ZNF112: variants seen among roughly 807,000 people sequenced by gnomAD.
ZNF112 encodes zinc finger protein 112, also known as zinc finger protein 112 (Y14).
Under a neutral mutation model 77.7 loss-of-function variants are expected in ZNF112, and 37 were observed. The ratio of observed to expected loss-of-function variants is 0.48; its 90% CI spans 0.37 to 0.63. The LOEUF is 0.63. Among genes scored for constraint, ZNF112 ranks in the 20% least tolerant of loss-of-function variants. ZNF112 has a pLI of 0.00. For missense variants in ZNF112, 950 were observed against 1,077.4 expected (o/e 0.88, Z 1.66); for synonymous variants, 333 against 363.6 (o/e 0.92, Z 0.96).
upstream of ZNF112, among the ~76,000 whole-genome samples, chr19:44,359,312 G>GTTTTTTT (rs1568680489): frequency 9.9e-6 from 1 of 101,492 alleles, no homozygotes; most frequent in African/African-American, 4.1e-5. Flanking sequence ...ATATATTAGA[G>GTTTTTTT]TTCTTTTTTT....
rs1283303962 is a variant in ZNF112, at chr19:44,327,765, G to A, written c.2392C>T (p.Pro798Ser). 6.2e-7 allele frequency: 1 copy of A among 1,613,808 alleles called. No homozygotes were observed. ...TTACCACACTGTTCACATTTATAGG[G>A]TCTCCCTTCCACATGAACCCTTTGG... ...AHQRVHVEGR[P>S]YKCEQCGKGF... The change falls in exon 4 of 4, where the codon CCC becomes TCC. Residue 798 changes from proline to serine, a missense_variant. This residue lies in a region of ZNF112 where 373 missense variants were observed against 482.8 expected (regional missense o/e 0.77). Coordinates refer to ENST00000354340, the MANE Select transcript of ZNF112 (RefSeq NM_013380.4).
intron 2 of ZNF112, among the ~76,000 whole-genome samples, chr19:44,337,974 G>GT (rs531360603): frequency 0.47 from 45,970 of 97,006 alleles, 11,727 homozygotes; most frequent in South Asian, 0.66. Context: ...CCATTCCCCA[G>GT]TTAAAAAAAA....
chr19:44,348,570 A>G (rs1297186533), intron 1 of ZNF112, among the ~76,000 whole-genome samples: 1 of 152,142 alleles, frequency 6.6e-6, no homozygotes, highest in African/African-American at 2.4e-5. Flanking sequence ...TCTAACTATA[A>G]CAGATTTAAA....
Position 44,340,106 on chromosome 19 carries a change from T to A in ZNF112, c.124+310A>T, listed in dbSNP as rs112351341. ...GTTATTTACAAATATAATGTTTTTT[T>A]AAAAAAACCCCTCTAAAAAGTCAAG... On this transcript the variant is annotated intron_variant, in intron 2 of 3. Coordinates refer to ENST00000354340, the MANE Select transcript of ZNF112 (RefSeq NM_013380.4). 5.7e-4 allele frequency among the ~76,000 whole-genome samples: 68 copies of A among 118,718 alleles called. 3 individuals are homozygous for A. The highest frequency in any genetic ancestry group is 1.8e-3 in the African/African-American group (55 of 31,214). The allele number at this position is 118,718 out of a possible 152,430, so 77.9% of individuals were successfully genotyped here.
At chr19:44,334,123 T>C (rs1970321127) in intron 3 of ZNF112, among the ~76,000 whole-genome samples, 2 of 152,212 alleles carry the variant, frequency 1.3e-5, no homozygotes, top group South Asian at 4.1e-4. Context: ...TTTAGGTTTG[T>C]AAATGCATTT....
chr19:44,351,857 C>T (rs1970698852), intron 1 of ZNF112, among the ~76,000 whole-genome samples: 1 of 151,906 alleles, frequency 6.6e-6, no homozygotes, highest in African/African-American at 2.4e-5. Flanking sequence ...ACTTAACAGG[C>T]ATTAGAAATA....
chr19:44,334,918 G>C (rs1784258254), intron 3 of ZNF112, among the ~76,000 whole-genome samples: 1 of 152,254 alleles, frequency 6.6e-6, no homozygotes, highest in South Asian at 2.1e-4. Context: ...TGTGGGGTTG[G>C]AGCCCCCAGA....
chr19:44,336,840 C>T (rs951188151), intron 2 of ZNF112, 122 bp from the exon 3 acceptor site: 8 of 704,070 alleles, frequency 1.1e-5, no homozygotes, highest in Non-Finnish European at 1.7e-5. Context: ...CACCCTGTTA[C>T]CTTCCACTCA....
At chr19:44,365,468 T>TTATA (rs200896760) in intron 1 of ZNF112, among the ~76,000 whole-genome samples, 23 of 106,234 alleles carry the variant, frequency 2.2e-4, no homozygotes, top group South Asian at 7.2e-4. Flanking sequence ...TCAAAAAAAA[T>TTATA]TATATATATA....
In ZNF112 at chr19:44,327,519, C is replaced by T; in HGVS notation, c.2638G>A (p.Asp880Asn). 1.2e-6 allele frequency: 2 copies of T among 1,613,928 alleles called. No homozygotes were observed. Among genetic ancestry groups the T allele is most frequent in the African/African-American group, 1.3e-5 (1 of 75,020 alleles). Reference sequence around the variant, plus strand: ...TAGTCTTCGCTTTTATAGAATTTATCACTACTATGGACTCTTTGATGAATG... The same window carrying T: ...TAGTCTTCGCTTTTATAGAATTTATTACTACTATGGACTCTTTGATGAATG... ...LLIHQRVHSS[D>N]KFYKSEDYGK... is the part of the protein sequence containing the mutation. The change falls in exon 4 of 4, where the codon GAT becomes AAT. Residue 880 changes from aspartate (D) to asparagine (N), a missense_variant. Asp to Asn is a conservative substitution (Grantham distance 23). Coordinates refer to ENST00000354340, the MANE Select transcript of ZNF112 (RefSeq NM_013380.4).
chr19:44,335,775 A>G (rs1216161426), intron 3 of ZNF112, among the ~76,000 whole-genome samples: 1 of 152,224 alleles, frequency 6.6e-6, no homozygotes, highest in Non-Finnish European at 1.5e-5. Flanking sequence ...GAAACAAACC[A>G]TTATAGAAAT....
At chr19:44,334,407 T>C (rs1321907996) in intron 3 of ZNF112, among the ~76,000 whole-genome samples, 1 of 152,254 alleles carries the variant, frequency 6.6e-6, no homozygotes, top group Non-Finnish European at 1.5e-5. Context: ...CCTGATCATG[T>C]GGTAGAAAAG....
Position 44,327,622 on chromosome 19 carries a change from G to A in ZNF112, c.2535C>T (p.His845=). The part of the protein sequence containing the change: ...GFSQRSNLQA[H]QRVHTGEKPY... ...GTTTCTCTCCTGTGTGGACTCTCTGGTGAGCCTGAAGATTTGATCTCTGAC... is the reference window on the plus strand; with the variant it reads ...GTTTCTCTCCTGTGTGGACTCTCTGATGAGCCTGAAGATTTGATCTCTGAC... The change falls in exon 4 of 4, where the codon CAC becomes CAT. Residue 845 remains histidine (H), a synonymous_variant. Transcript: ENST00000354340. 1 of 1,612,298 alleles carries A rather than the reference G, an allele frequency of 6.2e-7. No homozygotes were observed.
rs757510313 is a variant in ZNF112, at chr19:44,327,784, C to T, written c.2373G>A (p.Arg791=). 52 of 1,613,588 alleles carry T rather than the reference C, an allele frequency of 3.2e-5. No individual in the cohort carries two copies. The highest frequency in any genetic ancestry group is 4.2e-5 in the Non-Finnish European group (49 of 1,179,918). The part of the protein sequence containing the change: ...SESSRLQAHQ[R]VHVEGRPYKC... ...TATAGGGTCTCCCTTCCACATGAAC[C>T]CTTTGGTGTGCTTGAAGGCGTGAAC... The change falls in exon 4 of 4, where the codon AGG becomes AGA. Residue 791 remains arginine, a synonymous_variant. Coordinates refer to ENST00000354340, the MANE Select transcript of ZNF112 (RefSeq NM_013380.4).
At chr19:44,346,732 C>A (rs1013531715) in intron 1 of ZNF112, among the ~76,000 whole-genome samples, 2 of 152,180 alleles carry the variant, frequency 1.3e-5, no homozygotes, top group African/African-American at 4.8e-5. Context: ...CTCTGCCAAT[C>A]CCTACGTTTG....
intron 1 of ZNF112, among the ~76,000 whole-genome samples, chr19:44,351,853 C>T (rs1293311162): frequency 6.6e-6 from 1 of 151,960 alleles, no homozygotes; most frequent in Non-Finnish European, 1.5e-5. Flanking sequence ...ACGGACTTAA[C>T]AGGCATTAGA....
intron 1 of ZNF112, 149 bp downstream of exon 1, chr19:44,356,477 G>A (rs1252862766): frequency 6.6e-6 from 1 of 152,314 alleles, no homozygotes; most frequent in Non-Finnish European, 1.5e-5. Flanking sequence ...CCACACTGGA[G>A]AAGGCTCATT....
chr19:44,328,583 C>T lies in ZNF112; in HGVS notation c.1574G>A (p.Gly525Asp). The T allele has an allele frequency of 6.2e-7, 1 of 1,614,052 alleles. No homozygotes were observed. The highest frequency in any genetic ancestry group is 2.2e-5 in the East Asian group (1 of 44,872). The change falls in exon 4 of 4, where the codon GGC becomes GAC. Residue 525 changes from glycine (G) to aspartate (D), a missense_variant. By Grantham distance (94) the Gly-to-Asp change is moderately conservative (BLOSUM62 -1). Transcript: ENST00000354340. ...AACTGATCTATGATTGAAACCTTTG[C>T]CGCATATATTGCATTTGTATGGCTT... ...GQKPYKCNIC[G>D]KGFNHRSVLN...
chr19:44,363,105 G>T (rs1411976728), intron 1 of ZNF112, among the ~76,000 whole-genome samples: 1 of 151,966 alleles, frequency 6.6e-6, no homozygotes, highest in Non-Finnish European at 1.5e-5. Flanking sequence ...AAGTAGCTGG[G>T]ACTATAGTTG....
Sources: allele counts gnomAD v4.1 joint callset (sites outside exome capture counted in the v4.1 genomes callset), GRCh38; gene constraint gnomAD v4.1.1; regional missense constraint gnomAD v4.1.1; transcripts MANE v1.5; gene names NCBI Gene and HGNC (gene_info 2026-07-23, HGNC 2026-07-21).